NEGR1: variants seen among roughly 807,000 people sequenced by gnomAD.
NEGR1 encodes the protein neuronal growth regulator 1.
A neutral mutation model predicts 40.9 loss-of-function variants in NEGR1; 10 were observed. The ratio of observed to expected loss-of-function variants is 0.24; its 90% CI spans 0.15 to 0.42. NEGR1 has a LOEUF of 0.42. Ranked by LOEUF, NEGR1 falls within the 10% of genes least tolerant of loss-of-function variation. The pLI, the probability that NEGR1 is intolerant of heterozygous loss-of-function variation, is 1.00. For missense variants in NEGR1, 352 were observed against 438.9 expected, an observed-to-expected ratio of 0.80 and a Z score of 1.77; for synonymous variants, 185 against 166.8, an observed-to-expected ratio of 1.11 and a Z score of -0.84.
At chr1:72,201,392 T>C (rs1352193646) in intron 1 of NEGR1, among the ~76,000 whole-genome samples, 1 of 151,778 alleles carries the variant, frequency 6.6e-6, no homozygotes, top group Non-Finnish European at 1.5e-5. Flanking sequence ...GTATTTTATT[T>C]GTCTCAGAGT....
At chr1:72,080,657 T>C (rs1487428123) in intron 1 of NEGR1, among the ~76,000 whole-genome samples, 1 of 151,906 alleles carries the variant, frequency 6.6e-6, no homozygotes, top group Non-Finnish European at 1.5e-5. Context: ...ACACCTGGAG[T>C]TGTATTCTGT....
At chr1:72,011,463 T>C (rs372089369) in intron 1 of NEGR1, among the ~76,000 whole-genome samples, 8 of 152,232 alleles carry the variant, frequency 5.3e-5, no homozygotes, top group African/African-American at 1.7e-4. Flanking sequence ...CTTGGAGGGT[T>C]CAAAGATTTT....
chr1:71,412,591 T>A (rs1055378426), intron 6 of NEGR1, among the ~76,000 whole-genome samples: 1 of 152,200 alleles, frequency 6.6e-6, no homozygotes, highest in Non-Finnish European at 1.5e-5. Context: ...TATGCATGTG[T>A]CAAATTCAAG....
Position 71,405,205 on chromosome 1 carries a change from G to C in NEGR1, c.*2241C>G, listed in dbSNP as rs1345989620. 6.6e-6 allele frequency: 1 copy of C among 152,154 alleles called. No individual in the cohort carries two copies. The highest frequency in any genetic ancestry group is 1.5e-5 in the Non-Finnish European group (1 of 67,778). 9.4% of individuals were successfully genotyped at this position (152,154 alleles called of 1,614,324 possible). ...TGACAACACTTTGAACTAATTATTT[G>C]GTTCATCCATAGTTTATACCTCAAT... On this transcript the variant is annotated 3_prime_UTR_variant, in exon 7 of 7. Coordinates refer to ENST00000357731, the MANE Select transcript of NEGR1 (RefSeq NM_173808.3).
chr1:71,807,059 A>AT lies in NEGR1; in HGVS notation c.410-30763dup, dbSNP rs572698913. Among the ~76,000 whole-genome samples, 464 of 148,448 alleles carry AT rather than the reference A, an allele frequency of 3.1e-3. 2 individuals are homozygous for AT. The highest frequency in any genetic ancestry group is 0.01 in the African/African-American group (426 of 40,596). ...AGGCGCCTGCCACAATGCCCGGCTA[A>AT]TTTTTTTTTTGTATTTTTAGTAGAG... On this transcript the variant is annotated intron_variant, in intron 2 of 6. Transcript: ENST00000357731.
intron 1 of NEGR1, among the ~76,000 whole-genome samples, chr1:72,165,152 T>C (rs2100382863): frequency 6.6e-6 from 1 of 152,144 alleles, no homozygotes; most frequent in East Asian, 1.9e-4. Flanking sequence ...AGTGAAAGAA[T>C]ATTGGAGAGG....
intron 4 of NEGR1, among the ~76,000 whole-genome samples, chr1:71,645,756 C>A (rs1030423958): frequency 2.0e-5 from 3 of 151,718 alleles, no homozygotes; most frequent in African/African-American, 7.3e-5. Context: ...GTCTGTAGTT[C>A]TTTGACAGAT....
intron 1 of NEGR1, among the ~76,000 whole-genome samples, chr1:72,160,606 C>T (rs1437405980): frequency 6.6e-6 from 1 of 151,900 alleles, no homozygotes; most frequent in Non-Finnish European, 1.5e-5. Flanking sequence ...TTCTAATTTC[C>T]AATACTATAT....
intron 1 of NEGR1, chr1:72,274,904 TC>T (rs1655985060): frequency 8.8e-6 from 14 of 1,592,732 alleles, no homozygotes; most frequent in Non-Finnish European, 1.0e-5. Flanking sequence ...CAGAACCAAG[TC>T]AATCGAAAGT....
rs569528052 is a variant in NEGR1 at position 72,220,984 on chromosome 1, T to C, written c.176+61335A>G. 5.3e-5 allele frequency among the ~76,000 whole-genome samples: 8 copies of C among 149,824 alleles called. No individual in the cohort carries two copies. In the South Asian group the frequency reaches 1.7e-3, roughly 33 times the overall value. On this transcript the variant is annotated intron_variant, in intron 1 of 6. Transcript: ENST00000357731. ...CTAGAGCTGACATATAAAATTACCA[T>C]AATCTAGGTGGCTTAAAACATGACA...
intron 2 of NEGR1, among the ~76,000 whole-genome samples, chr1:71,894,085 G>T (rs532667073): frequency 3.5e-5 from 4 of 114,016 alleles, no homozygotes; most frequent in South Asian, 3.8e-4. Context: ...GGTCGGGGGA[G>T]GGGGGAGGGA....
intron 1 of NEGR1, among the ~76,000 whole-genome samples, chr1:72,277,335 C>A (rs1557610724): frequency 6.6e-6 from 1 of 152,160 alleles, no homozygotes; most frequent in Non-Finnish European, 1.5e-5. Flanking sequence ...TCTGTAAATT[C>A]TTTAGAAGTC....
intron 6 of NEGR1, among the ~76,000 whole-genome samples, chr1:71,473,328 A>G (rs1036603169): frequency 2.6e-5 from 4 of 152,150 alleles, no homozygotes; most frequent in Non-Finnish European, 5.9e-5. Context: ...AAAGGGAACA[A>G]CAATTAGAAT....
At chr1:71,978,537 G>A (rs1320468960) in intron 1 of NEGR1, among the ~76,000 whole-genome samples, 1 of 151,992 alleles carries the variant, frequency 6.6e-6, no homozygotes. Context: ...CCATTAAAAA[G>A]TGGGCAAAGG....
At chr1:71,970,255 G>A (rs1432516324) in intron 1 of NEGR1, among the ~76,000 whole-genome samples, 2 of 152,158 alleles carry the variant, frequency 1.3e-5, no homozygotes, top group Non-Finnish European at 2.9e-5. Context: ...AAAGAGACGT[G>A]AGCTGGAGAC....
At chr1:71,602,049 C>T (rs1194333375) in intron 5 of NEGR1, among the ~76,000 whole-genome samples, 1 of 152,034 alleles carries the variant, frequency 6.6e-6, no homozygotes, top group Non-Finnish European at 1.5e-5. Context: ...CAATAGCTTT[C>T]CAATACTTCT....
intron 5 of NEGR1, among the ~76,000 whole-genome samples, chr1:71,605,341 A>G (rs1262231817): frequency 6.6e-6 from 1 of 152,184 alleles, no homozygotes; most frequent in Admixed American, 6.5e-5. Flanking sequence ...ATGAGAAATC[A>G]GAAAGCATGT....
chr1:72,087,751 CTTTTTT>C (rs1194408394), intron 1 of NEGR1, among the ~76,000 whole-genome samples: 1 of 95,074 alleles, frequency 1.1e-5, no homozygotes, highest in Non-Finnish European at 2.1e-5. Flanking sequence ...TGCCACTGTG[CTTTTTT>C]TTTTTTTTTT....
At chr1:71,446,928 A>G (rs1444361175) in intron 6 of NEGR1, among the ~76,000 whole-genome samples, 1 of 152,212 alleles carries the variant, frequency 6.6e-6, no homozygotes, top group African/African-American at 2.4e-5. Context: ...CAACTTTCAT[A>G]CAATATTATG....
Sources: allele counts gnomAD v4.1 joint callset (sites outside exome capture counted in the v4.1 genomes callset), GRCh38; gene constraint gnomAD v4.1.1; transcripts MANE v1.5; gene names NCBI Gene and HGNC (gene_info 2026-07-23, HGNC 2026-07-21).